MGAT4A: variants seen among roughly 807,000 people sequenced by gnomAD.
The protein encoded by MGAT4A is alpha-1,3-mannosyl-glycoprotein 4-beta-N-acetylglucosaminyltransferase A.
A neutral mutation model predicts 74.1 loss-of-function variants in MGAT4A; 33 were observed. The ratio of observed to expected loss-of-function variants is 0.45; its 90% CI spans 0.34 to 0.60. MGAT4A has a LOEUF of 0.60. Ranked by LOEUF, MGAT4A falls within the 20% of genes least tolerant of loss-of-function variation. The pLI, the probability that MGAT4A is intolerant of heterozygous loss-of-function variation, is 0.02. For missense variants in MGAT4A, 479 were observed against 628.3 expected, an observed-to-expected ratio of 0.76 and a Z score of 2.54; for synonymous variants, 198 against 210.4, an observed-to-expected ratio of 0.94 and a Z score of 0.51.
At chr2:98,690,896 G>T (rs899304533) in intron 2 of MGAT4A, among the ~76,000 whole-genome samples, 11 of 152,164 alleles carry the variant, frequency 7.2e-5, no homozygotes, top group Non-Finnish European at 1.0e-4. Context: ...GAGAGAATCA[G>T]TGATCCTCAA....
chr2:98,690,903 T>C (rs921834976), intron 2 of MGAT4A, among the ~76,000 whole-genome samples: 3 of 152,128 alleles, frequency 2.0e-5, no homozygotes, highest in African/African-American at 7.2e-5. Context: ...TCAGTGATCC[T>C]CAAGAAAGAC....
At position 98,624,233 on chromosome 2, in the gene MGAT4A, T is replaced by G. The variant is rs754632825; in HGVS notation, c.*1333A>C. The G allele has an allele frequency of 3.4e-6, 2 of 587,866 alleles. No homozygotes were observed. Among genetic ancestry groups the G allele is most frequent in the Non-Finnish European group, 4.3e-6 (2 of 467,202 alleles). The allele number at this position is 587,866 out of a possible 1,614,324, so 36.4% of individuals were successfully genotyped here. On this transcript the variant is annotated 3_prime_UTR_variant, in exon 16 of 16. Transcript: ENST00000393487. ...TTCACCGTGTTAGCCAGGATGGTCT[T>G]GATCTCCTGACCTCGTGATCCGCCC...
At chr2:98,686,873 TTCA>T (rs1482844416) in intron 2 of MGAT4A, among the ~76,000 whole-genome samples, 1 of 152,180 alleles carries the variant, frequency 6.6e-6, no homozygotes, top group African/African-American at 2.4e-5. Context: ...TTTCAGTAAG[TTCA>T]TCGTGAAGTC....
At chr2:98,666,991 G>A (rs1559163875) in intron 4 of MGAT4A, among the ~76,000 whole-genome samples, 1 of 152,152 alleles carries the variant, frequency 6.6e-6, no homozygotes, top group Admixed American at 6.5e-5. Context: ...CCAGTGGGAG[G>A]TAATTGAATC....
At chr2:98,666,732 G>A (rs1701836471) in intron 4 of MGAT4A, among the ~76,000 whole-genome samples, 2 of 151,928 alleles carry the variant, frequency 1.3e-5, no homozygotes, top group Non-Finnish European at 2.9e-5. Context: ...CTAGGATGAG[G>A]AGCATTCCTA....
intron 2 of MGAT4A, among the ~76,000 whole-genome samples, chr2:98,700,757 G>A (rs1208596252): frequency 6.6e-6 from 1 of 151,988 alleles, no homozygotes; most frequent in Non-Finnish European, 1.5e-5. Context: ...CAGCCGTGGT[G>A]GCGGGCACCT....
At chr2:98,673,430 T>A (rs1701936669) in intron 4 of MGAT4A, among the ~76,000 whole-genome samples, 1 of 152,184 alleles carries the variant, frequency 6.6e-6, no homozygotes, top group South Asian at 2.1e-4. Flanking sequence ...TCCTAGAATA[T>A]CCAAAAGGTC....
At chr2:98,688,273 C>T (rs1702153255) in intron 2 of MGAT4A, among the ~76,000 whole-genome samples, 1 of 152,138 alleles carries the variant, frequency 6.6e-6, no homozygotes, top group African/African-American at 2.4e-5. Flanking sequence ...ATAACTCATT[C>T]TGTCTAGCAA....
At chr2:98,718,804 A>T (rs191249719) in intron 2 of MGAT4A, among the ~76,000 whole-genome samples, 20 of 152,304 alleles carry the variant, frequency 1.3e-4, no homozygotes, top group Admixed American at 1.3e-3. Context: ...TGAGAATATT[A>T]GGGCCCTGAC....
At chr2:98,673,154 G>A (rs1032604527) in intron 4 of MGAT4A, among the ~76,000 whole-genome samples, 42 of 152,142 alleles carry the variant, frequency 2.8e-4, no homozygotes, top group African/African-American at 9.6e-4. Context: ...AATCCCAGCC[G>A]CTCCCCTGGG....
chr2:98,727,359 A>C (rs375795301), intron 1 of MGAT4A, among the ~76,000 whole-genome samples: 1 of 152,242 alleles, frequency 6.6e-6, no homozygotes, highest in Non-Finnish European at 1.5e-5. Flanking sequence ...GAAAAGGGAA[A>C]GAAATGAAGT....
At position 98,621,445 on chromosome 2, in the gene MGAT4A, G is replaced by C. The variant is rs1228325755; in HGVS notation, c.*4121C>G. The C allele has an allele frequency of 6.4e-7, 1 of 1,551,522 alleles. No individual in the cohort carries two copies. Among genetic ancestry groups the C allele is most frequent in the Non-Finnish European group, 8.7e-7 (1 of 1,146,926 alleles). The stretch of plus-strand genomic sequence containing the variant: ...CCCCCTCTACCTTAAAACAGCAATG[G>C]TGCCTGAGGTCCTTCTGCTTTGTCT... On this transcript the variant is annotated 3_prime_UTR_variant, in exon 16 of 16. Transcript: ENST00000393487.
intron 4 of MGAT4A, among the ~76,000 whole-genome samples, chr2:98,671,680 T>C (rs527490892): frequency 6.6e-6 from 1 of 152,260 alleles, no homozygotes; most frequent in Admixed American, 6.5e-5. Flanking sequence ...GTCCATGCCG[T>C]AATTCCTGGA....
intron 12 of MGAT4A, 104 bp downstream of exon 12, chr2:98,639,704 G>A: frequency 1.0e-6 from 1 of 1,001,532 alleles, no homozygotes; most frequent in Admixed American, 2.9e-5. Flanking sequence ...GGGCCCCACT[G>A]TGTCCCCACA....
rs1701008897 is a variant in MGAT4A at position 98,619,173 on chromosome 2, C to T, written c.*6393G>A. ...CATGGCTTTTTAAACTTCTTTATTT[C>T]AAATACACATGAACGGTCGTGGCAC... On this transcript the variant is annotated 3_prime_UTR_variant, in exon 16 of 16. Transcript: ENST00000393487. 1 of 152,448 alleles carries T rather than the reference C, an allele frequency of 6.6e-6. No individual in the cohort carries two copies. The allele number at this position is 152,448 out of a possible 1,614,324, so 9.4% of individuals were successfully genotyped here.
intron 2 of MGAT4A, among the ~76,000 whole-genome samples, chr2:98,707,448 A>G (rs570601038): frequency 1.5e-4 from 23 of 152,248 alleles, no homozygotes; most frequent in African/African-American, 4.6e-4. Context: ...CACCCAATGA[A>G]TATCTGTCCC....
chr2:98,715,960 T>C (rs1702586432), intron 2 of MGAT4A, among the ~76,000 whole-genome samples: 1 of 152,186 alleles, frequency 6.6e-6, no homozygotes, highest in Admixed American at 6.5e-5. Flanking sequence ...AACCAAGTGA[T>C]CGAAGCAAAC....
intron 1 of MGAT4A, chr2:98,726,962 A>C (rs1198940946): frequency 6.6e-6 from 1 of 151,636 alleles, no homozygotes; most frequent in Non-Finnish European, 1.5e-5. Flanking sequence ...TTTTAATAAG[A>C]AAATTGACAG....
At chr2:98,631,443 T>C (rs375877025) in intron 14 of MGAT4A, among the ~76,000 whole-genome samples, 10 of 152,322 alleles carry the variant, frequency 6.6e-5, no homozygotes, top group African/African-American at 1.4e-4. Flanking sequence ...CACCCAAATG[T>C]TGCATTTCCC....
Sources: gnomAD v4.1 joint callset for allele counts (sites outside exome capture counted in the v4.1 genomes callset) on GRCh38, gnomAD v4.1.1 for gene constraint, MANE v1.5 for transcripts, NCBI Gene and HGNC (gene_info 2026-07-23, HGNC 2026-07-21) for gene names.